The following SMG5 variants were observed in gnomAD, a reference collection of about 807,000 sequenced individuals.
The protein encoded by SMG5 is SMG5 nonsense mediated mRNA decay factor, also known as nonsense-mediated mRNA decay factor SMG5.
Under a neutral mutation model 122.9 loss-of-function variants are expected in SMG5, and 53 were observed. The ratio of observed to expected loss-of-function variants is 0.43; its 90% CI spans 0.35 to 0.54. SMG5 has a LOEUF of 0.54. SMG5 is among the 20% of genes least tolerant of loss of function. The probability of loss-of-function intolerance (pLI) is 0.01; values close to 1 mark genes in which losing one functional copy is unlikely to be tolerated. For missense variants in SMG5, 1,153 were observed against 1,285.6 expected, an observed-to-expected ratio of 0.90 and a Z score of 1.58; for synonymous variants, 477 against 490.2, an observed-to-expected ratio of 0.97 and a Z score of 0.35.
At chr1:156,263,638 G>A (rs879922929) in intron 12 of SMG5, 68 bp from the exon 13 acceptor site, 11 of 1,543,182 alleles carry the variant, frequency 7.1e-6, no homozygotes, top group Admixed American at 1.8e-5. Context: ...ACAGGCCTCA[G>A]CTCTGTGCAG....
At chr1:156,278,890 A>T (rs763778360) in intron 2 of SMG5, 46 bp downstream of exon 2, 9 of 1,494,030 alleles carry the variant, frequency 6.0e-6, no homozygotes, top group Non-Finnish European at 7.5e-6. Flanking sequence ...TGGTAGAGAT[A>T]GGCAGGGAAA....
intron 2 of SMG5, among the ~76,000 whole-genome samples, chr1:156,278,375 G>T (rs1209990563): frequency 2.7e-5 from 4 of 150,342 alleles, no homozygotes; most frequent in Admixed American, 6.6e-5. Context: ...ATATATTTTT[G>T]GGTTTTTTTT....
chr1:156,291,161 A>C, the SMG5 span: 1 of 554,670 alleles, frequency 1.8e-6, no homozygotes, highest in Non-Finnish European at 3.2e-6. Flanking sequence ...GGAATAACAT[A>C]CTCAACTTCA....
intron 16 of SMG5, among the ~76,000 whole-genome samples, chr1:156,257,506 C>T (rs930489408): frequency 1.3e-5 from 2 of 152,140 alleles, no homozygotes; most frequent in African/African-American, 2.4e-5. Context: ...CTCCCTACCC[C>T]CCGACAGGAA....
rs1572566403 is a variant in SMG5 at position 156,249,503 on chromosome 1, A to G, written c.*1084T>C. On this transcript the variant is annotated 3_prime_UTR_variant, in exon 22 of 22. Coordinates refer to ENST00000361813, the MANE Select transcript of SMG5 (RefSeq NM_015327.3). ...ATCCTGGCTGCAGCCTCCCACACAC[A>G]GCCCTGCTCTTGGTGCGCCATTCAC... The G allele has an allele frequency of 2.8e-6, 1 of 351,140 alleles. No homozygotes were observed. Among genetic ancestry groups the G allele is most frequent in the East Asian group, 7.6e-5 (1 of 13,230 alleles). The allele number at this position is 351,140 out of a possible 1,614,324, so 21.8% of individuals were successfully genotyped here.
In SMG5 at chr1:156,250,478, G is replaced by T; in HGVS notation, c.*109C>A. The T allele has an allele frequency of 1.1e-6, 1 of 949,382 alleles. No homozygotes were observed. Among genetic ancestry groups the T allele is most frequent in the South Asian group, 1.4e-5 (1 of 70,440 alleles). The allele number at this position is 949,382 out of a possible 1,614,324, so 58.8% of individuals were successfully genotyped here. ...GAGCAGCTAGGCCTCCCTCCTGTGT[G>T]CGTGCATGAGTCTGCGTGTGGTGGG... On this transcript the variant is annotated 3_prime_UTR_variant, in exon 22 of 22. Coordinates refer to ENST00000361813, the MANE Select transcript of SMG5 (RefSeq NM_015327.3).
At chr1:156,264,884 G>A (rs1372801244) in intron 12 of SMG5, among the ~76,000 whole-genome samples, 2 of 151,966 alleles carry the variant, frequency 1.3e-5, no homozygotes, top group South Asian at 2.1e-4. Flanking sequence ...AAATTAGCCG[G>A]GCATGGTGGT....
In SMG5 at chr1:156,274,496, C is replaced by T; in HGVS notation, c.544+101G>A. The T allele has an allele frequency of 3.8e-6, 4 of 1,062,568 alleles. No individual in the cohort carries two copies. The South Asian group carries it at 5.0e-5, about 13-fold the overall frequency. 65.8% of individuals were successfully genotyped at this position (1,062,568 alleles called of 1,614,324 possible). ...AAAGTTATCAGAAGCCAAACTATCC[C>T]TCCTGCTCTCCAACCATGTAATGGG... On this transcript the variant is annotated intron_variant, in intron 5 of 21. Transcript: ENST00000361813.
intron 17 of SMG5, 74 bp from the exon 18 acceptor site, chr1:156,253,152 A>G (rs950992504): frequency 2.2e-5 from 32 of 1,470,936 alleles, no homozygotes; most frequent in African/African-American, 4.2e-5. Flanking sequence ...GTGGTGCTCA[A>G]GGTGGCTCTA....
At position 156,250,890 on chromosome 1, in the gene SMG5, C is replaced by G. The variant is rs1661318041; in HGVS notation, c.2935G>C (p.Asp979His). Reference sequence around the variant, plus strand: ...GGGCCTGAAAGCACGCTGGGGTTGTCCAGTGGAAGGCCTGTGATGATGGTC... The same window carrying G: ...GGGCCTGAAAGCACGCTGGGGTTGTGCAGTGGAAGGCCTGTGATGATGGTC... ...MVTIITGLPL[D>H]NPSVLSGPMQ... Residue 979 changes from aspartate (D) to histidine (H), a missense_variant, in exon 21 of 22, where the codon GAC becomes CAC. By Grantham distance (81) the Asp-to-His change is moderately conservative. Coordinates refer to ENST00000361813, the MANE Select transcript of SMG5 (RefSeq NM_015327.3). 1 of 1,613,946 alleles carries G rather than the reference C, an allele frequency of 6.2e-7. No homozygotes were observed.
intron 13 of SMG5, among the ~76,000 whole-genome samples, chr1:156,261,805 G>A (rs564693574): frequency 2.7e-5 from 4 of 148,860 alleles, no homozygotes; most frequent in Non-Finnish European, 5.9e-5. Flanking sequence ...CAGGAGAATC[G>A]CTTGAACCCA....
At position 156,265,845 on chromosome 1, in the gene SMG5, G is replaced by A. The variant is rs1033644096; in HGVS notation, c.1791C>T (p.Asn597=). ...FSNLLLQPTT[N]PHTSASHRPC... is the part of the protein sequence containing the mutation. ...GCCTGTGGCTGGCCGAGGTATGAGG[G>A]TTGGTGGTGGGCTGGAGGAGCAGGT... The change falls in exon 12 of 22, where the codon AAC becomes AAT. Residue 597 remains asparagine (N), a synonymous_variant. Transcript: ENST00000361813. 1 of 1,614,090 alleles carries A rather than the reference G, an allele frequency of 6.2e-7. No homozygotes were observed. The highest frequency in any genetic ancestry group is 8.5e-7 in the Non-Finnish European group (1 of 1,180,048).
chr1:156,279,228 C>A (rs1330930295), intron 1 of SMG5, among the ~76,000 whole-genome samples, 194 bp from the exon 2 acceptor site: 1 of 128,824 alleles, frequency 7.8e-6, no homozygotes, highest in African/African-American at 2.9e-5. Context: ...CCCCTCCCCA[C>A]CCCCCGCCCA....
In SMG5 at chr1:156,253,545, G is replaced by A. The variant is rs768278504; in HGVS notation, c.2443-37C>T. On this transcript the variant is annotated intron_variant, in intron 16 of 21. Coordinates refer to ENST00000361813, the MANE Select transcript of SMG5 (RefSeq NM_015327.3). ...AAAATGAGCTGTAAGGAGTTGGGGT[G>A]TATTTTCCCTTCTCCAGTGATCAGG... 10 of 1,600,980 alleles carry A rather than the reference G, an allele frequency of 6.2e-6. No individual in the cohort carries two copies. The South Asian group carries it at 6.6e-5, about 11-fold the overall frequency.
chr1:156,268,027 G>A (rs922045744), intron 9 of SMG5, 88 bp downstream of exon 9: 10 of 1,364,902 alleles, frequency 7.3e-6, no homozygotes, highest in African/African-American at 2.9e-5. Context: ...GGCAGAACTC[G>A]ACAGTCCACC....
chr1:156,254,887 C>T (rs1401477978), intron 16 of SMG5, among the ~76,000 whole-genome samples: 11 of 151,062 alleles, frequency 7.3e-5, no homozygotes, highest in South Asian at 2.1e-4. Flanking sequence ...GTCAGGAGTT[C>T]GAGAGCAGCC....
At chr1:156,264,977 G>T (rs1662049773) in intron 12 of SMG5, among the ~76,000 whole-genome samples, 1 of 150,970 alleles carries the variant, frequency 6.6e-6, no homozygotes, top group South Asian at 2.1e-4. Flanking sequence ...AGTGAGCCGA[G>T]ATCGTGCCAC....
At chr1:156,282,473 G>T in intron 1 of SMG5, 134 bp downstream of exon 1, 1 of 885,252 alleles carries the variant, frequency 1.1e-6, no homozygotes, top group Non-Finnish European at 1.7e-6. Context: ...ACCCCGCCCC[G>T]CCTCCAAAAT....
intron 1 of SMG5, among the ~76,000 whole-genome samples, chr1:156,279,988 C>T (rs754166525): frequency 2.6e-5 from 4 of 152,202 alleles, no homozygotes; most frequent in Non-Finnish European, 5.9e-5. Flanking sequence ...AATATTATTA[C>T]CTACTTTGTG....
Sources: allele counts gnomAD v4.1 joint callset (sites outside exome capture counted in the v4.1 genomes callset), GRCh38; gene constraint gnomAD v4.1.1; transcripts MANE v1.5; gene names NCBI Gene and HGNC (gene_info 2026-07-23, HGNC 2026-07-21).